NRK: variants seen among roughly 807,000 people sequenced by gnomAD.
NRK encodes the protein Nik related kinase, also known as nik-related protein kinase.
NRK carries 67 observed loss-of-function variants against 125.2 expected under a neutral mutation model. That is an observed-to-expected ratio of 0.54 (90% CI 0.44 to 0.66). The LOEUF (loss-of-function observed/expected upper bound fraction) is 0.66, where lower values mean the gene tolerates loss of function less well. Among genes scored for constraint, NRK ranks in the 30% least tolerant of loss-of-function variants. The pLI is 0.00. For missense variants in NRK, 1,224 were observed against 1,192.9 expected, an observed-to-expected ratio of 1.03 and a Z score of -0.38; for synonymous variants, 458 against 429.0, an observed-to-expected ratio of 1.07 and a Z score of -0.84.
At chrX:105,849,492 G>A (rs759630527) in intron 2 of NRK, among the ~76,000 whole-genome samples, 7 of 111,307 alleles carry the variant, frequency 6.3e-5, no homozygotes, top group Middle Eastern at 4.7e-3. Flanking sequence ...CCAAAAGTCC[G>A]TAGTCCCGTA....
intron 13 of NRK, among the ~76,000 whole-genome samples, chrX:105,910,539 G>A (rs982077031): frequency 2.7e-5 from 3 of 112,488 alleles, no homozygotes; most frequent in African/African-American, 9.7e-5. Flanking sequence ...CAACAGGTTC[G>A]TATGCCCACT....
At chrX:105,938,942 G>A (rs2040700192) in intron 22 of NRK, among the ~76,000 whole-genome samples, 1 of 111,165 alleles carries the variant, frequency 9.0e-6, no homozygotes. Flanking sequence ...GCAGAGCGAA[G>A]GGGGGAGAAG....
chrX:105,946,420 G>T lies in NRK; in HGVS notation c.4309G>T (p.Asp1437Tyr). 1 of 1,196,932 alleles carries T rather than the reference G, an allele frequency of 8.4e-7. No individual in the cohort carries two copies. Among genetic ancestry groups the T allele is most frequent in the Non-Finnish European group, 1.1e-6 (1 of 882,951 alleles). ...FSSADGYHLI[D>Y]AESEVMSDVT... is the part of the protein sequence containing the mutation. ...CTCAGCAGATGGATATCACCTCATC[G>T]ATGCAGAATCTGAGGTTATGTCTGA... The change falls in exon 26 of 29, where the codon GAT becomes TAT. Residue 1437 changes from aspartate (D) to tyrosine (Y), a missense_variant. By Grantham distance (160) the Asp-to-Tyr change is radical. Transcript: ENST00000243300.
intron 1 of NRK, among the ~76,000 whole-genome samples, chrX:105,826,378 T>A (rs1166835371): frequency 5.2e-5 from 4 of 76,680 alleles, no homozygotes; most frequent in Non-Finnish European, 4.5e-5. Flanking sequence ...TTATATATAT[T>A]ATCATATATA....
intron 6 of NRK, 85 bp downstream of exon 6, chrX:105,894,027 A>G (rs973657615): frequency 8.2e-6 from 4 of 489,900 alleles, no homozygotes; most frequent in Non-Finnish European, 1.3e-5. Context: ...TGCTCACATC[A>G]GATAGTTTAG....
At chrX:105,878,536 T>C (rs2039844144) in intron 2 of NRK, among the ~76,000 whole-genome samples, 1 of 111,612 alleles carries the variant, frequency 9.0e-6, no homozygotes, top group Non-Finnish European at 1.9e-5. Flanking sequence ...CTTGATAGTA[T>C]TACTTCATGG....
chrX:105,862,406 A>G (rs1428143889), intron 2 of NRK, among the ~76,000 whole-genome samples: 1 of 111,165 alleles, frequency 9.0e-6, no homozygotes, highest in East Asian at 2.8e-4. Flanking sequence ...GTTAGCCACT[A>G]AAATTTCCAA....
In NRK at chrX:105,949,717, A is replaced by G. The variant is rs752164569; in HGVS notation, c.4496A>G (p.Asp1499Gly). The G allele has an allele frequency of 3.8e-5, 45 of 1,191,038 alleles. No homozygotes were observed. The highest frequency in any genetic ancestry group is 4.7e-4 in the Middle Eastern group (2 of 4,281). ...LFKKILEMWKDIPSSIAFECT... is the reference protein window; with the variant it reads ...LFKKILEMWKGIPSSIAFECT... ...AAGAAGATCCTTGAAATGTGGAAAGACATACCATCTTCTATAGGTATGTAT... is the reference window on the plus strand; with the variant it reads ...AAGAAGATCCTTGAAATGTGGAAAGGCATACCATCTTCTATAGGTATGTAT... The change falls in exon 27 of 29, where the codon GAC (aspartate) becomes GGC (glycine). Residue 1499 changes from aspartate to glycine, a missense_variant. Transcript: ENST00000243300.
chrX:105,870,283 T>G (rs766855960), intron 2 of NRK, among the ~76,000 whole-genome samples: 1 of 111,674 alleles, frequency 9.0e-6, no homozygotes, highest in African/African-American at 3.3e-5. Context: ...TGCTTGGAAG[T>G]GTTATCAGAG....
rs748159398 is a variant in NRK at position 105,909,845 on chromosome X, T to C, written c.2204T>C (p.Phe735Ser). 11 of 1,157,458 alleles carry C rather than the reference T, an allele frequency of 9.5e-6. No homozygotes were observed. The South Asian group carries it at 2.0e-4, about 21-fold the overall frequency. Reference protein sequence around the residue: ...QRRQRRWEDIFNQHEEELRQV... With the variant: ...QRRQRRWEDISNQHEEELRQV... ...CGCCAACGCAGATGGGAAGATATCT[T>C]TAATCAGCATGAGGAAGAATTGAGA... The change falls in exon 13 of 29, where the codon TTT (phenylalanine) becomes TCT (serine). Residue 735 changes from phenylalanine to serine, a missense_variant. Coordinates refer to ENST00000243300, the MANE Select transcript of NRK (RefSeq NM_198465.4).
chrX:105,890,095 A>T (rs1475479029), intron 5 of NRK, among the ~76,000 whole-genome samples: 2 of 111,385 alleles, frequency 1.8e-5, no homozygotes, highest in Non-Finnish European at 3.8e-5. Flanking sequence ...CTACTTAGAG[A>T]TTTCTTCCAG....
At chrX:105,915,051 T>C (rs1330887055) in intron 14 of NRK, among the ~76,000 whole-genome samples, 1 of 108,645 alleles carries the variant, frequency 9.2e-6, no homozygotes, top group Non-Finnish European at 1.9e-5. Flanking sequence ...GCACCCTTTC[T>C]TGAGTATTTG....
intron 2 of NRK, among the ~76,000 whole-genome samples, chrX:105,861,000 G>A (rs2039594862): frequency 9.0e-6 from 1 of 110,549 alleles, no homozygotes. Flanking sequence ...ACCTCCAAAC[G>A]GATTTGCTGG....
chrX:105,900,530 AC>A, intron 8 of NRK, 87 bp from the exon 9 acceptor site: 1 of 577,934 alleles, frequency 1.7e-6, no homozygotes, highest in Non-Finnish European at 2.9e-6. Flanking sequence ...ATTGACATCC[AC>A]ACCCCCAGCT....
At chrX:105,898,505 A>C (rs1602651497) in intron 7 of NRK, 79 bp from the exon 8 acceptor site, 2 of 944,340 alleles carry the variant, frequency 2.1e-6, no homozygotes, top group East Asian at 7.1e-5. Flanking sequence ...CTTTTGTATC[A>C]GCTTTCCAAG....
intron 1 of NRK, 64 bp downstream of exon 1, chrX:105,822,966 G>A (rs2039042127): frequency 4.1e-6 from 4 of 986,268 alleles, no homozygotes; most frequent in Middle Eastern, 2.7e-4. Context: ...CGTACCAGAG[G>A]GAGGGAGCGG....
intron 2 of NRK, among the ~76,000 whole-genome samples, chrX:105,861,524 C>T (rs1029652289): frequency 9.0e-6 from 1 of 111,507 alleles, no homozygotes; most frequent in Non-Finnish European, 1.9e-5. Context: ...AGTTAGGTAG[C>T]TGATCCATTT....
chrX:105,832,186 G>C (rs2039202381), intron 2 of NRK, among the ~76,000 whole-genome samples: 1 of 111,458 alleles, frequency 9.0e-6, no homozygotes, highest in East Asian at 2.8e-4. Flanking sequence ...GCTTAATTTA[G>C]ATTGAAATGT....
chrX:105,863,937 A>G (rs2039635869), intron 2 of NRK, among the ~76,000 whole-genome samples: 4 of 112,621 alleles, frequency 3.6e-5, no homozygotes, highest in African/African-American at 1.3e-4. Context: ...ACTCATGGGA[A>G]TGACTTGTTT....
Sources: gnomAD v4.1 joint callset for allele counts (sites outside exome capture counted in the v4.1 genomes callset) on GRCh38, gnomAD v4.1.1 for gene constraint, MANE v1.5 for transcripts, NCBI Gene and HGNC (gene_info 2026-07-23, HGNC 2026-07-21) for gene names.